Variants in EYA3 observed in about 807,000 individuals in gnomAD.
The protein encoded by EYA3 is protein phosphatase EYA3.
Under a neutral mutation model 80.0 loss-of-function variants are expected in EYA3, and 39 were observed. That is an observed-to-expected ratio of 0.49 (90% CI 0.38 to 0.64). The LOEUF (loss-of-function observed/expected upper bound fraction) is 0.64, where lower values mean the gene tolerates loss of function less well. Ranked by LOEUF, EYA3 falls within the 30% of genes least tolerant of loss-of-function variation. The pLI, the probability that EYA3 is intolerant of heterozygous loss-of-function variation, is 0.00. For missense variants in EYA3, 523 were observed against 676.1 expected (o/e 0.77, Z 2.51); for synonymous variants, 206 against 232.8 (o/e 0.88, Z 1.05).
rs772090449 is a variant in EYA3, at chr1:27,988,674, G to C, written c.1419-18C>G. 6.2e-7 allele frequency: 1 copy of C among 1,610,230 alleles called. No homozygotes were observed. Among genetic ancestry groups the C allele is most frequent in the South Asian group, 1.1e-5 (1 of 90,028 alleles). Reference sequence around the variant, plus strand: ...AATTCTTTCTATAAGGGAGTAAAAGGGAAAAGAAAAGGTGAAACTAAACCA... The same window carrying C: ...AATTCTTTCTATAAGGGAGTAAAAGCGAAAAGAAAAGGTGAAACTAAACCA... On this transcript the variant is annotated intron_variant, in intron 15 of 17. Transcript: ENST00000373871.
At position 28,004,374 on chromosome 1, in the gene EYA3, A is replaced by C; in HGVS notation, c.955T>G (p.Ser319Ala). ...TGGGCATAGGATCCAGTAAGAAGTG[A>C]GTGGAAGATGATGATGGTTTCATCC... ...DLDETIIIFH[S>A]LLTGSYAQKY... The change falls in exon 11 of 18, where the codon TCA becomes GCA. Residue 319 changes from serine (S) to alanine (A), a missense_variant. By Grantham distance (99) the Ser-to-Ala change is moderately conservative (BLOSUM62 1). This residue lies in a region of EYA3 where 219 missense variants were observed against 332.8 expected (regional missense o/e 0.66). Coordinates refer to ENST00000373871, the MANE Select transcript of EYA3 (RefSeq NM_001990.4). 1 of 1,607,902 alleles carries C rather than the reference A, an allele frequency of 6.2e-7. No individual in the cohort carries two copies. Among genetic ancestry groups the C allele is most frequent in the Non-Finnish European group, 8.5e-7 (1 of 1,175,424 alleles).
chr1:27,985,991 G>T (rs1284535095), intron 16 of EYA3, among the ~76,000 whole-genome samples: 1 of 151,938 alleles, frequency 6.6e-6, no homozygotes, highest in African/African-American at 2.4e-5. Flanking sequence ...TTAAATCCTT[G>T]TCCTTGATGT....
intron 10 of EYA3, among the ~76,000 whole-genome samples, chr1:28,007,221 T>C (rs1641348429): frequency 6.6e-6 from 1 of 151,982 alleles, no homozygotes; most frequent in Non-Finnish European, 1.5e-5. Flanking sequence ...ATTAGAGGCG[T>C]GAGCCACTGT....
chr1:28,005,776 T>C (rs1571774767), intron 10 of EYA3, among the ~76,000 whole-genome samples: 1 of 151,602 alleles, frequency 6.6e-6, no homozygotes, highest in Non-Finnish European at 1.5e-5. Context: ...CTAAACAAAA[T>C]AGAGGTAAAC....
chr1:28,014,177 G>A (rs1641879840), intron 8 of EYA3, among the ~76,000 whole-genome samples: 1 of 152,164 alleles, frequency 6.6e-6, no homozygotes, highest in African/African-American at 2.4e-5. Flanking sequence ...AGCACTTTGG[G>A]AGGACGAGGT....
At chr1:27,975,487 ATT>A (rs35806831) in intron 17 of EYA3, among the ~76,000 whole-genome samples, 69 of 133,592 alleles carry the variant, frequency 5.2e-4, no homozygotes, top group Non-Finnish European at 4.3e-4. Context: ...TGGAGGCCAT[ATT>A]TTTTTTTTTT....
At chr1:28,039,145 A>C (rs1332661384) in intron 4 of EYA3, among the ~76,000 whole-genome samples, 1 of 152,240 alleles carries the variant, frequency 6.6e-6, no homozygotes, top group Non-Finnish European at 1.5e-5. Context: ...AAGGTTGGTA[A>C]GGATCTCTAC....
intron 16 of EYA3, among the ~76,000 whole-genome samples, chr1:27,978,790 C>A (rs929954691): frequency 6.6e-6 from 1 of 152,162 alleles, no homozygotes; most frequent in Non-Finnish European, 1.5e-5. Flanking sequence ...ATGGAGAAAC[C>A]CCGTCTCTAC....
rs113293361 is a variant in EYA3 at position 28,043,691 on chromosome 1, A to G, written c.78-1041T>C. On this transcript the variant is annotated intron_variant, in intron 3 of 17. Transcript: ENST00000373871. ...CGTCTCTACTAAAAATACAAAAATT[A>G]GCCAGGCGTTGTGGTGCACGCCTGT... 7.7e-3 allele frequency among the ~76,000 whole-genome samples: 1,171 copies of G among 152,278 alleles called. 10 individuals are homozygous for G. Among genetic ancestry groups the G allele is most frequent in the Middle Eastern group, 0.051 (15 of 294 alleles).
intron 16 of EYA3, among the ~76,000 whole-genome samples, chr1:27,978,734 C>T (rs900488627): frequency 6.6e-6 from 1 of 152,168 alleles, no homozygotes; most frequent in Non-Finnish European, 1.5e-5. Context: ...GAGACCGAGG[C>T]GGGCGAATCA....
At chr1:28,044,496 T>A (rs567742326) in intron 3 of EYA3, among the ~76,000 whole-genome samples, 51 of 152,300 alleles carry the variant, frequency 3.3e-4, no homozygotes, top group African/African-American at 1.1e-3. Context: ...ATTCCTACAT[T>A]CATGCACCCT....
chr1:28,045,089 T>G (rs1643953442), intron 3 of EYA3, among the ~76,000 whole-genome samples: 1 of 152,304 alleles, frequency 6.6e-6, no homozygotes, highest in South Asian at 2.1e-4. Flanking sequence ...ATATTTTGAA[T>G]GTTCAAATAA....
chr1:28,024,383 G>A (rs181354179), intron 7 of EYA3, among the ~76,000 whole-genome samples: 2 of 152,228 alleles, frequency 1.3e-5, no homozygotes, highest in Non-Finnish European at 2.9e-5. Context: ...TAGGCTGGGC[G>A]CAGTGGCTCA....
chr1:28,019,998 G>A (rs967611911), intron 7 of EYA3, among the ~76,000 whole-genome samples: 2 of 151,896 alleles, frequency 1.3e-5, no homozygotes, highest in East Asian at 3.9e-4. Flanking sequence ...CACCACGCCC[G>A]GCTACTTCTC....
intron 9 of EYA3, among the ~76,000 whole-genome samples, chr1:28,011,426 G>C (rs1156766234): frequency 6.6e-6 from 1 of 152,172 alleles, no homozygotes; most frequent in African/African-American, 2.4e-5. Flanking sequence ...TTTTGGATCA[G>C]ATAATTATTT....
intron 2 of EYA3, among the ~76,000 whole-genome samples, chr1:28,049,999 G>A (rs1435667783): frequency 6.6e-6 from 1 of 151,870 alleles, no homozygotes; most frequent in African/African-American, 2.4e-5. Context: ...AACCAAAACA[G>A]TCTATACTCT....
rs1479607801 is a variant in EYA3, at chr1:27,972,102, G to A, written c.*2364C>T. ...AGGGTGGAGAGGGAAGTATCTGTGT[G>A]TGTGTGCTTGCGTGCATGGTGGGGG... On this transcript the variant is annotated 3_prime_UTR_variant, in exon 18 of 18. Transcript: ENST00000373871. 1.3e-5 allele frequency: 2 copies of A among 152,260 alleles called. No individual in the cohort carries two copies. Among genetic ancestry groups the A allele is most frequent in the Admixed American group, 1.3e-4 (2 of 15,282 alleles). The allele number at this position is 152,260 out of a possible 1,614,324, so 9.4% of individuals were successfully genotyped here.
At chr1:27,987,015 T>C (rs991569740) in intron 16 of EYA3, among the ~76,000 whole-genome samples, 8 of 152,228 alleles carry the variant, frequency 5.3e-5, no homozygotes, top group African/African-American at 1.9e-4. Flanking sequence ...TAACAATTTT[T>C]AAGTGTAAAG....
intron 1 of EYA3, among the ~76,000 whole-genome samples, chr1:28,087,851 A>G (rs1645719203): frequency 6.6e-6 from 1 of 152,234 alleles, no homozygotes; most frequent in Non-Finnish European, 1.5e-5. Flanking sequence ...GCGAAGAACT[A>G]GGAACGCCTT....
Sources: gnomAD v4.1 joint callset for allele counts (sites outside exome capture counted in the v4.1 genomes callset) on GRCh38, gnomAD v4.1.1 for gene constraint, gnomAD v4.1.1 regional missense constraint, MANE v1.5 for transcripts, NCBI Gene and HGNC (gene_info 2026-07-23, HGNC 2026-07-21) for gene names.